Variants in NCKAP5 observed in about 807,000 individuals in gnomAD.
NCKAP5 encodes the protein nck-associated protein 5.
NCKAP5 carries 92 observed loss-of-function variants against 167.0 expected under a neutral mutation model. That is an observed-to-expected ratio of 0.55 (90% CI 0.47 to 0.66). The LOEUF (loss-of-function observed/expected upper bound fraction) is 0.66. Among genes scored for constraint, NCKAP5 ranks in the 30% least tolerant of loss-of-function variants. The pLI, the probability that NCKAP5 is intolerant of heterozygous loss-of-function variation, is 0.00. For missense variants in NCKAP5, 2,378 were observed against 2,315.0 expected (o/e 1.03, Z -0.56); for synonymous variants, 891 against 877.4 (o/e 1.02, Z -0.27).
intron 2 of NCKAP5, among the ~76,000 whole-genome samples, chr2:133,522,832 C>T (rs889531681): frequency 3.3e-5 from 5 of 152,202 alleles, no homozygotes; most frequent in Admixed American, 1.3e-4. Flanking sequence ...AGAGCCATAA[C>T]CGAGTAGTGT....
At chr2:133,602,057 C>T in the NCKAP5 span, among the ~76,000 whole-genome samples, 10 of 151,906 alleles carry the variant, frequency 6.6e-5, no homozygotes, top group Middle Eastern at 3.2e-3. Context: ...TTTGAGGGAA[C>T]GAGAGAGAGA....
intron 6 of NCKAP5, among the ~76,000 whole-genome samples, chr2:133,040,870 A>G (rs563458533): frequency 6.6e-6 from 1 of 152,314 alleles, no homozygotes; most frequent in South Asian, 2.1e-4. Flanking sequence ...TACAGGCAGC[A>G]TTATTGCTTG....
intron 6 of NCKAP5, among the ~76,000 whole-genome samples, chr2:133,013,543 G>A (rs1047979594): frequency 9.2e-5 from 14 of 152,146 alleles, no homozygotes; most frequent in African/African-American, 3.4e-4. Flanking sequence ...TAACCATCAT[G>A]AGAACAGCGC....
chr2:133,236,778 G>A (rs1380503248), intron 4 of NCKAP5, among the ~76,000 whole-genome samples: 9 of 152,134 alleles, frequency 5.9e-5, no homozygotes, highest in Non-Finnish European at 1.3e-4. Context: ...CAATTAAAAT[G>A]GAAGTTCAAG....
chr2:133,631,628 G>A, the NCKAP5 span, among the ~76,000 whole-genome samples: 8 of 152,184 alleles, frequency 5.3e-5, no homozygotes, highest in African/African-American at 1.9e-4. Flanking sequence ...GAGGAGATCT[G>A]TAGATTAAGG....
chr2:133,003,878 A>C (rs2077870535), intron 6 of NCKAP5, among the ~76,000 whole-genome samples: 1 of 152,282 alleles, frequency 6.6e-6, no homozygotes, highest in Admixed American at 6.5e-5. Context: ...AAGTGACATA[A>C]ATTTTCTCCT....
At chr2:133,203,505 A>G (rs748080259) in intron 5 of NCKAP5, among the ~76,000 whole-genome samples, 18 of 152,142 alleles carry the variant, frequency 1.2e-4, no homozygotes, top group Admixed American at 2.6e-4. Flanking sequence ...AAACCTGCAC[A>G]TTGTGCACAT....
chr2:132,830,275 G>A (rs945151214), intron 11 of NCKAP5, among the ~76,000 whole-genome samples: 1 of 152,056 alleles, frequency 6.6e-6, no homozygotes, highest in African/African-American at 2.4e-5. Flanking sequence ...AAAAGTTCTT[G>A]TAAATAGGAC....
intron 2 of NCKAP5, among the ~76,000 whole-genome samples, chr2:133,538,752 T>G (rs1233085387): frequency 1.3e-5 from 2 of 152,024 alleles, no homozygotes; most frequent in East Asian, 3.9e-4. Context: ...TCCCTCAATC[T>G]TGAAGAAGGA....
intron 2 of NCKAP5, among the ~76,000 whole-genome samples, chr2:133,527,703 T>G (rs1025127709): frequency 6.6e-6 from 1 of 152,150 alleles, no homozygotes; most frequent in Non-Finnish European, 1.5e-5. Context: ...CTTTTTCTAC[T>G]CAATGATTTA....
At chr2:132,719,505 G>C (rs1166601025) in intron 19 of NCKAP5, among the ~76,000 whole-genome samples, 1 of 152,210 alleles carries the variant, frequency 6.6e-6, no homozygotes, top group Non-Finnish European at 1.5e-5. Context: ...GTGGGTGATG[G>C]ACAACCCTCG....
chr2:133,228,193 A>G (rs1559292907), intron 4 of NCKAP5, among the ~76,000 whole-genome samples: 1 of 152,222 alleles, frequency 6.6e-6, no homozygotes, highest in African/African-American at 2.4e-5. Context: ...GGCAGTTCTA[A>G]GAGAAGGAAA....
At chr2:133,037,314 A>G (rs1360115271) in intron 6 of NCKAP5, among the ~76,000 whole-genome samples, 1 of 152,138 alleles carries the variant, frequency 6.6e-6, no homozygotes, top group Non-Finnish European at 1.5e-5. Context: ...TATATGTGGA[A>G]CCACAAAAGA....
chr2:132,893,427 A>G (rs1481359965), intron 8 of NCKAP5, among the ~76,000 whole-genome samples: 2 of 152,196 alleles, frequency 1.3e-5, no homozygotes, highest in Non-Finnish European at 2.9e-5. Flanking sequence ...AGTACAATGA[A>G]TAATTTTTAT....
chr2:133,227,529 A>G (rs1051108422), intron 4 of NCKAP5, among the ~76,000 whole-genome samples: 4 of 152,202 alleles, frequency 2.6e-5, no homozygotes, highest in African/African-American at 9.6e-5. Flanking sequence ...TGGTCTGCCC[A>G]TAACCAAGCC....
intron 16 of NCKAP5, among the ~76,000 whole-genome samples, chr2:132,760,037 T>C (rs1680868987): frequency 6.6e-6 from 1 of 152,172 alleles, no homozygotes; most frequent in Non-Finnish European, 1.5e-5. Context: ...ACCAAACTAA[T>C]ATATTAATCA....
At chr2:133,109,735 C>T (rs377069530) in intron 6 of NCKAP5, among the ~76,000 whole-genome samples, 8 of 150,604 alleles carry the variant, frequency 5.3e-5, no homozygotes, top group African/African-American at 1.7e-4. Flanking sequence ...TTTCATTAGG[C>T]ATTTCCCAAT....
intron 3 of NCKAP5, among the ~76,000 whole-genome samples, chr2:133,487,924 C>A (rs1681055698): frequency 6.6e-6 from 1 of 152,190 alleles, no homozygotes; most frequent in South Asian, 2.1e-4. Flanking sequence ...TGGGCTCCAA[C>A]AGAAGCCATT....
chr2:133,424,860 A>G (rs1689694804), intron 3 of NCKAP5, among the ~76,000 whole-genome samples: 1 of 152,230 alleles, frequency 6.6e-6, no homozygotes, highest in Non-Finnish European at 1.5e-5. Flanking sequence ...AGGGCAAACC[A>G]GCCTCCATAA....
Sources: allele counts gnomAD v4.1 joint callset (sites outside exome capture counted in the v4.1 genomes callset), GRCh38; gene constraint gnomAD v4.1.1; transcripts MANE v1.5; gene names NCBI Gene and HGNC (gene_info 2026-07-23, HGNC 2026-07-21).